NBEA: variants seen among roughly 807,000 people sequenced by gnomAD.
The protein encoded by NBEA is neurobeachin, also known as lysosomal-trafficking regulator 2.
Under a neutral mutation model 343.4 loss-of-function variants are expected in NBEA, and 44 were observed. The ratio of observed to expected loss-of-function variants is 0.13; its 90% CI spans 0.10 to 0.16. NBEA has a LOEUF of 0.16. Ranked by LOEUF, NBEA falls within the 10% of genes least tolerant of loss-of-function variation. The pLI, the probability that NBEA is intolerant of heterozygous loss-of-function variation, is 1.00. For missense variants in NBEA, 2,555 were observed against 3,631.3 expected (o/e 0.70, Z 7.62); for synonymous variants, 1,175 against 1,238.7 (o/e 0.95, Z 1.08).
At chr13:35,076,164 A>C (rs1052185605) in intron 10 of NBEA, among the ~76,000 whole-genome samples, 1 of 151,928 alleles carries the variant, frequency 6.6e-6, no homozygotes, top group African/African-American at 2.4e-5. Context: ...TATAGTTTAT[A>C]CAGTTATATT....
At chr13:35,458,115 A>G (rs1594704702) in intron 40 of NBEA, among the ~76,000 whole-genome samples, 4 of 152,370 alleles carry the variant, frequency 2.6e-5, no homozygotes, top group Middle Eastern at 3.4e-3. Context: ...GGGTCAAATA[A>G]TAACTCCACG....
rs115809983 is a variant in NBEA at position 35,665,194 on chromosome 13, G to C, written c.8464+8G>C. 1,752 of 1,570,222 alleles carry C rather than the reference G, an allele frequency of 1.1e-3. 29 individuals carry two copies. In the African/African-American group the frequency reaches 0.021, roughly 19 times the overall value. On this transcript the variant is annotated splice_region_variant and intron_variant, in intron 56 of 58. Transcript: ENST00000379939. ...TTATCAGTGGTGCTAAAGGTCAGAA[G>C]TCATTTCTTTCATTTTCAATGTCTA...
intron 34 of NBEA, among the ~76,000 whole-genome samples, chr13:35,250,783 T>G (rs1405430257): frequency 6.6e-6 from 1 of 152,200 alleles, no homozygotes; most frequent in Non-Finnish European, 1.5e-5. Context: ...AAAAGAAAAT[T>G]GTATAATTAA....
At chr13:34,977,076 A>G (rs112430623) in intron 1 of NBEA, among the ~76,000 whole-genome samples, 2,327 of 151,102 alleles carry the variant, frequency 0.015, 65 homozygotes, top group African/African-American at 0.054. Flanking sequence ...AAGTAGCTGG[A>G]ATTACAGGCG....
intron 46 of NBEA, 145 bp downstream of exon 46, chr13:35,584,183 A>C (rs1169888525): frequency 1.1e-6 from 1 of 921,618 alleles, no homozygotes; most frequent in Non-Finnish European, 1.7e-6. Flanking sequence ...AAGTAGCAAA[A>C]TATGAATTTT....
At chr13:35,215,368 T>C (rs1177246300) in intron 33 of NBEA, among the ~76,000 whole-genome samples, 2 of 151,730 alleles carry the variant, frequency 1.3e-5, no homozygotes, top group Admixed American at 6.6e-5. Context: ...TTTAAATTTT[T>C]ATGTTTTTCT....
chr13:35,205,742 A>G (rs2073349040), intron 31 of NBEA, among the ~76,000 whole-genome samples: 2 of 152,070 alleles, frequency 1.3e-5, no homozygotes, highest in African/African-American at 4.8e-5. Context: ...CAATACTCGT[A>G]ATAGCTAAAA....
intron 41 of NBEA, chr13:35,475,860 T>C (rs1315053072): frequency 6.2e-7 from 1 of 1,614,072 alleles, no homozygotes; most frequent in Non-Finnish European, 8.5e-7. Flanking sequence ...AGCCGGGCAG[T>C]GAGCCATCGT....
intron 1 of NBEA, among the ~76,000 whole-genome samples, chr13:34,985,993 G>T (rs2060531145): frequency 6.6e-6 from 1 of 150,402 alleles, no homozygotes; most frequent in Non-Finnish European, 1.5e-5. Flanking sequence ...CCAGCTCCTG[G>T]ATTCATGGTT....
chr13:35,500,390 A>G (rs2076838606), intron 41 of NBEA, among the ~76,000 whole-genome samples: 2 of 152,146 alleles, frequency 1.3e-5, no homozygotes. Flanking sequence ...AGGATGGGAC[A>G]GACACAAAGC....
chr13:35,628,542 G>A (rs897735118), intron 49 of NBEA, among the ~76,000 whole-genome samples: 2 of 152,108 alleles, frequency 1.3e-5, no homozygotes, highest in African/African-American at 4.8e-5. Context: ...TTAGTAATAA[G>A]TGAAACCTAG....
At chr13:35,307,863 A>G (rs1303023284) in intron 35 of NBEA, among the ~76,000 whole-genome samples, 1 of 152,102 alleles carries the variant, frequency 6.6e-6, no homozygotes, top group Non-Finnish European at 1.5e-5. Flanking sequence ...ATTTGGGAAA[A>G]GAAATTTTCT....
At chr13:35,427,573 G>GGGGGTCA (rs1211478657) in intron 38 of NBEA, among the ~76,000 whole-genome samples, 1 of 152,144 alleles carries the variant, frequency 6.6e-6, no homozygotes, top group African/African-American at 2.4e-5. Context: ...TAGGCTACTC[G>GGGGGTCA]GGGGTCAGGG....
chr13:35,290,382 G>A lies in NBEA; in HGVS notation c.5777-7G>A, dbSNP rs1338981646. ...TTTCATTTTGTTTTAACCTTTCTTT[G>A]TTGTAGGCCTTGTTTGTATGAAGTC... On this transcript the variant is annotated splice_region_variant and splice_polypyrimidine_tract_variant and intron_variant, in intron 34 of 58. Coordinates refer to ENST00000379939, the MANE Select transcript of NBEA (RefSeq NM_001385012.1). 33 of 1,593,134 alleles carry A rather than the reference G, an allele frequency of 2.1e-5. No individual in the cohort carries two copies. Among genetic ancestry groups the A allele is most frequent in the Non-Finnish European group, 2.8e-5 (33 of 1,163,932 alleles).
At chr13:35,320,280 A>G (rs2152839947) in intron 36 of NBEA, among the ~76,000 whole-genome samples, 1 of 152,278 alleles carries the variant, frequency 6.6e-6, no homozygotes, top group African/African-American at 2.4e-5. Flanking sequence ...AGCTCTTGCA[A>G]GGCAGACCTG....
intron 17 of NBEA, among the ~76,000 whole-genome samples, chr13:35,128,173 C>T (rs1237074513): frequency 2.0e-5 from 3 of 150,972 alleles, no homozygotes; most frequent in Non-Finnish European, 4.4e-5. Flanking sequence ...CAGCATGGCA[C>T]ATGTATACCT....
intron 33 of NBEA, among the ~76,000 whole-genome samples, chr13:35,211,998 T>C (rs1246255092): frequency 1.4e-5 from 1 of 73,430 alleles, no homozygotes; most frequent in Non-Finnish European, 2.8e-5. Flanking sequence ...TGTGTATACG[T>C]GTACACACAC....
intron 58 of NBEA, among the ~76,000 whole-genome samples, chr13:35,669,878 G>A (rs2085527251): frequency 6.6e-6 from 1 of 151,946 alleles, no homozygotes; most frequent in Non-Finnish European, 1.5e-5. Flanking sequence ...TTGAGGGCTG[G>A]GAAGGGCAGG....
chr13:35,405,291 T>C (rs1438363998), intron 38 of NBEA, among the ~76,000 whole-genome samples: 1 of 152,096 alleles, frequency 6.6e-6, no homozygotes, highest in Non-Finnish European at 1.5e-5. Flanking sequence ...GAGAAACGAA[T>C]ACTCAGAGAA....
Sources: allele counts gnomAD v4.1 joint callset (sites outside exome capture counted in the v4.1 genomes callset), GRCh38; gene constraint gnomAD v4.1.1; transcripts MANE v1.5; gene names NCBI Gene and HGNC (gene_info 2026-07-23, HGNC 2026-07-21).